The following THSD4 variants were observed in gnomAD, a reference collection of about 807,000 sequenced individuals.
THSD4 encodes the protein thrombospondin type-1 domain-containing protein 4.
A neutral mutation model predicts 119.0 loss-of-function variants in THSD4; 69 were observed. The observed-to-expected ratio is 0.58, with a 90% CI of 0.48 to 0.71. The LOEUF (loss-of-function observed/expected upper bound fraction) is 0.71, where lower values mean the gene tolerates loss of function less well. THSD4 is among the 30% of genes least tolerant of loss of function. The pLI, the probability that THSD4 is intolerant of heterozygous loss-of-function variation, is 0.00. For missense variants in THSD4, 1,393 were observed against 1,391.1 expected (o/e 1.00, Z -0.02); for synonymous variants, 524 against 540.4 (o/e 0.97, Z 0.42).
intron 6 of THSD4, among the ~76,000 whole-genome samples, chr15:71,393,457 G>C (rs893498430): frequency 2.6e-5 from 4 of 152,126 alleles, no homozygotes; most frequent in Non-Finnish European, 5.9e-5. Flanking sequence ...CTACCAGGGA[G>C]AGAGGTGAGC....
chr15:71,671,788 G>T (rs575683468), intron 8 of THSD4, among the ~76,000 whole-genome samples: 147 of 152,262 alleles, frequency 9.7e-4, no homozygotes, highest in Non-Finnish European at 2.2e-4. Context: ...GAGATCAGAT[G>T]GTTGTAGATA....
intron 7 of THSD4, among the ~76,000 whole-genome samples, chr15:71,466,009 C>G (rs962499215): frequency 6.6e-6 from 1 of 152,074 alleles, no homozygotes; most frequent in South Asian, 2.1e-4. Context: ...TTTCTTCTTC[C>G]TTATCCTCCT....
intron 7 of THSD4, among the ~76,000 whole-genome samples, chr15:71,426,061 C>T (rs77709839): frequency 1.1e-3 from 175 of 152,232 alleles, no homozygotes; most frequent in African/African-American, 3.9e-3. Context: ...GGAAAGAAGC[C>T]GCCTTCTGGC....
At chr15:71,711,951 A>G (rs1470024388) in intron 8 of THSD4, among the ~76,000 whole-genome samples, 1 of 152,202 alleles carries the variant, frequency 6.6e-6, no homozygotes, top group African/African-American at 2.4e-5. Flanking sequence ...GATCCCCAAC[A>G]ATGCTTGGAC....
At chr15:71,522,283 A>G (rs529190313) in intron 7 of THSD4, among the ~76,000 whole-genome samples, 3 of 152,204 alleles carry the variant, frequency 2.0e-5, no homozygotes, top group South Asian at 4.1e-4. Context: ...AAATGTTACT[A>G]TTATTATTAA....
At chr15:71,223,836 C>G in intron 4 of THSD4, among the ~76,000 whole-genome samples, 1 of 152,082 alleles carries the variant, frequency 6.6e-6, no homozygotes, top group Non-Finnish European at 1.5e-5. Flanking sequence ...AGGGTACTTT[C>G]TTGAATGATT....
chr15:71,466,890 C>T (rs1013347079), intron 7 of THSD4, among the ~76,000 whole-genome samples: 9 of 152,228 alleles, frequency 5.9e-5, no homozygotes, highest in African/African-American at 1.9e-4. Context: ...GAGTCTGGGG[C>T]AAATGCCTCA....
intron 6 of THSD4, among the ~76,000 whole-genome samples, chr15:71,258,343 T>A (rs1192673169): frequency 6.6e-6 from 1 of 152,142 alleles, no homozygotes; most frequent in Non-Finnish European, 1.5e-5. Context: ...TACGCCTGGC[T>A]AATTTTTGTA....
intron 7 of THSD4, among the ~76,000 whole-genome samples, chr15:71,574,830 C>T (rs1472957735): frequency 1.3e-5 from 2 of 152,082 alleles, no homozygotes; most frequent in Non-Finnish European, 2.9e-5. Flanking sequence ...ACAGGTATAG[C>T]CATTTTTGTA....
At chr15:71,443,903 GC>G (rs2047145246) in intron 7 of THSD4, among the ~76,000 whole-genome samples, 1 of 152,188 alleles carries the variant, frequency 6.6e-6, no homozygotes, top group South Asian at 2.1e-4. Context: ...TTTAAGAAAG[GC>G]CCTGAGGCAA....
At chr15:71,241,324 C>A (rs1218590936) in intron 4 of THSD4, among the ~76,000 whole-genome samples, 1 of 152,226 alleles carries the variant, frequency 6.6e-6, no homozygotes, top group East Asian at 1.9e-4. Flanking sequence ...AGATTTGGAA[C>A]CTGCGCTCCT....
chr15:71,666,064 A>G (rs11072320), intron 8 of THSD4, among the ~76,000 whole-genome samples: 39,028 of 152,056 alleles, frequency 0.26, 5,990 homozygotes, highest in East Asian at 0.74. Context: ...TTTGGTAGGA[A>G]TAACATTGAA....
At chr15:71,738,441 A>G (rs1382703091) in intron 11 of THSD4, among the ~76,000 whole-genome samples, 1 of 152,178 alleles carries the variant, frequency 6.6e-6, no homozygotes, top group Non-Finnish European at 1.5e-5. Flanking sequence ...CATGGGTGTG[A>G]CAGATTGCAT....
Position 71,107,208 on chromosome 15 carries a change from C to T in THSD4, c.-80+10202C>T, listed in dbSNP as rs10152242. The stretch of plus-strand genomic sequence containing the variant: ...TTATCCAGAAGAAAGTTCTTATTAG[C>T]TTCAAGGAAACTTCAGATGCTGACA... On this transcript the variant is annotated intron_variant, in intron 1 of 17. Coordinates refer to the THSD4 transcript ENST00000355327. Among the ~76,000 whole-genome samples the T allele has an allele frequency of 5.7e-3, 861 of 152,256 alleles. 11 individuals carry two copies. Among genetic ancestry groups the T allele is most frequent in the African/African-American group, 0.018 (768 of 41,526 alleles).
At chr15:71,320,104 A>G (rs2140359472) in intron 6 of THSD4, among the ~76,000 whole-genome samples, 1 of 152,318 alleles carries the variant, frequency 6.6e-6, no homozygotes, top group South Asian at 2.1e-4. Flanking sequence ...CCCAGAGTCC[A>G]CTGGGTTACC....
chr15:71,580,069 G>A (rs986360063), intron 7 of THSD4, among the ~76,000 whole-genome samples: 5 of 152,104 alleles, frequency 3.3e-5, no homozygotes, highest in Non-Finnish European at 7.4e-5. Context: ...TTTCCCAAGA[G>A]AGAGTTTTCA....
intron 6 of THSD4, among the ~76,000 whole-genome samples, chr15:71,313,518 C>A (rs1032456457): frequency 2.0e-5 from 3 of 152,120 alleles, no homozygotes; most frequent in African/African-American, 7.2e-5. Context: ...CATTAGGACA[C>A]ACAGCTAATG....
intron 8 of THSD4, among the ~76,000 whole-genome samples, chr15:71,672,705 T>G (rs190281979): frequency 2.8e-4 from 42 of 152,366 alleles, no homozygotes; most frequent in African/African-American, 9.4e-4. Flanking sequence ...GAAGTGCTGT[T>G]GAATTTTGTC....
intron 8 of THSD4, among the ~76,000 whole-genome samples, chr15:71,704,969 A>G (rs2052366912): frequency 6.6e-6 from 1 of 152,260 alleles, no homozygotes; most frequent in African/African-American, 2.4e-5. Context: ...TGGGCCTTCA[A>G]ATCAGAGAGA....
Sources: gnomAD v4.1 joint callset for allele counts (sites outside exome capture counted in the v4.1 genomes callset) on GRCh38, gnomAD v4.1.1 for gene constraint, MANE v1.5 for transcripts, NCBI Gene and HGNC (gene_info 2026-07-23, HGNC 2026-07-21) for gene names.